The following SLC8A1 variants were observed in gnomAD, a reference collection of about 807,000 sequenced individuals.
SLC8A1 encodes the protein solute carrier family 8 member A1, also known as sodium/calcium exchanger 1.
Under a neutral mutation model 68.3 loss-of-function variants are expected in SLC8A1, and 18 were observed. The ratio of observed to expected loss-of-function variants is 0.26; its 90% CI spans 0.18 to 0.39. SLC8A1 has a LOEUF of 0.39. Among genes scored for constraint, SLC8A1 ranks in the 10% least tolerant of loss-of-function variants. The pLI is 1.00. For synonymous variants in SLC8A1, 475 were observed against 415.5 expected (o/e 1.14, Z -1.74); for missense variants, 985 against 1,156.7 (o/e 0.85, Z 2.15).
At chr2:40,277,794 G>GTATGTATATATA (rs1553469305) in intron 2 of SLC8A1, among the ~76,000 whole-genome samples, 1 of 108,008 alleles carries the variant, frequency 9.3e-6, no homozygotes, top group African/African-American at 3.3e-5. Flanking sequence ...ATATATGTGT[G>GTATGTATATATA]TATATATATA....
chr2:40,275,009 G>C (rs1362149699), intron 2 of SLC8A1, among the ~76,000 whole-genome samples: 1 of 152,184 alleles, frequency 6.6e-6, no homozygotes, highest in African/African-American at 2.4e-5. Flanking sequence ...TACTGCAAAA[G>C]TGCATCAAAG....
chr2:40,210,226 C>A (rs754057804), intron 2 of SLC8A1, among the ~76,000 whole-genome samples: 6 of 152,092 alleles, frequency 3.9e-5, no homozygotes, highest in Non-Finnish European at 7.3e-5. Context: ...ACAACTAATG[C>A]TCTTGGGAAT....
chr2:40,170,069 A>C (rs920540979), intron 4 of SLC8A1, among the ~76,000 whole-genome samples: 7 of 152,220 alleles, frequency 4.6e-5, no homozygotes, highest in African/African-American at 7.2e-5. Context: ...TCTTCTCTGC[A>C]GGCTGGGCTG....
At chr2:40,339,789 G>A (rs992239258) in intron 2 of SLC8A1, among the ~76,000 whole-genome samples, 2 of 152,106 alleles carry the variant, frequency 1.3e-5, no homozygotes, top group African/African-American at 4.8e-5. Context: ...CTAAATAGAT[G>A]GATGGATAGA....
chr2:40,164,603 C>T (rs1485699644), intron 5 of SLC8A1, among the ~76,000 whole-genome samples: 1 of 152,170 alleles, frequency 6.6e-6, no homozygotes, highest in Non-Finnish European at 1.5e-5. Context: ...TTTGGGGCAC[C>T]TCTGACCTTG....
chr2:40,358,867 C>T (rs1392848695), intron 2 of SLC8A1, among the ~76,000 whole-genome samples: 1 of 152,106 alleles, frequency 6.6e-6, no homozygotes, highest in Non-Finnish European at 1.5e-5. Flanking sequence ...TATGCTTCTA[C>T]AAGACTGAAG....
intron 2 of SLC8A1, among the ~76,000 whole-genome samples, chr2:40,325,634 C>T (rs2075729144): frequency 6.6e-6 from 1 of 151,670 alleles, no homozygotes; most frequent in Non-Finnish European, 1.5e-5. Context: ...TGTTTGATTT[C>T]AGTCATAAAA....
chr2:40,171,124 A>T (rs1046765185), intron 4 of SLC8A1, among the ~76,000 whole-genome samples: 7 of 152,176 alleles, frequency 4.6e-5, no homozygotes, highest in Non-Finnish European at 1.5e-5. Context: ...CCTCTGCCAT[A>T]TGCTTGTCAT....
At chr2:40,352,813 T>C (rs904492202) in intron 2 of SLC8A1, among the ~76,000 whole-genome samples, 4 of 152,192 alleles carry the variant, frequency 2.6e-5, no homozygotes, top group African/African-American at 9.6e-5. Flanking sequence ...GATTCCACGT[T>C]ACTAAGGAGA....
At chr2:40,311,365 TTTC>T (rs1243047078) in intron 2 of SLC8A1, among the ~76,000 whole-genome samples, 2 of 152,072 alleles carry the variant, frequency 1.3e-5, no homozygotes, top group Non-Finnish European at 2.9e-5. Flanking sequence ...AAAATCATTT[TTTC>T]TTCAGAAAAA....
chr2:40,502,324 G>C (rs867381244), intron 1 of SLC8A1, among the ~76,000 whole-genome samples: 2 of 151,856 alleles, frequency 1.3e-5, no homozygotes, highest in South Asian at 2.1e-4. Context: ...TCAGGTTTGC[G>C]GACTATGGTC....
chr2:40,219,600 C>T (rs1017689278), intron 2 of SLC8A1, among the ~76,000 whole-genome samples: 80 of 152,236 alleles, frequency 5.3e-4, no homozygotes, highest in African/African-American at 1.9e-3. Flanking sequence ...AACTTACAAA[C>T]ATTTTTTAAG....
intron 4 of SLC8A1, among the ~76,000 whole-genome samples, chr2:40,172,922 C>G (rs2047774087): frequency 6.6e-6 from 1 of 152,104 alleles, no homozygotes; most frequent in Admixed American, 6.5e-5. Context: ...AGCCTGGCAA[C>G]AGAGTGAGAC....
intron 2 of SLC8A1, among the ~76,000 whole-genome samples, chr2:40,369,944 ATC>A (rs1677507060): frequency 6.6e-6 from 1 of 152,132 alleles, no homozygotes; most frequent in African/African-American, 2.4e-5. Flanking sequence ...TGTTTTTAAT[ATC>A]TTTGTAATAT....
chr2:40,400,572 A>G (rs6544336), intron 2 of SLC8A1, among the ~76,000 whole-genome samples: 89,108 of 152,056 alleles, frequency 0.59, 27,256 homozygotes, highest in Non-Finnish European at 0.69. Flanking sequence ...CATGGATCAC[A>G]TGAGGAGGAA....
At position 40,238,258 on chromosome 2, in the gene SLC8A1, C is replaced by T. The variant is rs377713478; in HGVS notation, c.1809-60403G>A. Among the ~76,000 whole-genome samples the T allele has an allele frequency of 1.8e-3, 269 of 152,338 alleles. 2 individuals carry two copies. The highest frequency in any genetic ancestry group is 6.2e-3 in the African/African-American group (258 of 41,580). ...ACTGCTGTGCTAGCAATCAGTGAGA[C>T]TCCGTGGGCGTAGGACCCTCCCAGC... On this transcript the variant is annotated intron_variant, in intron 2 of 7. Transcript: ENST00000406785.
chr2:40,155,039 G>C (rs569736478), intron 6 of SLC8A1, among the ~76,000 whole-genome samples: 4 of 152,246 alleles, frequency 2.6e-5, no homozygotes, highest in Admixed American at 6.5e-5. Context: ...AGGGCAAAAT[G>C]AGAAATCCCA....
chr2:40,497,827 T>C (rs536802544), intron 1 of SLC8A1, among the ~76,000 whole-genome samples: 16 of 152,204 alleles, frequency 1.1e-4, no homozygotes, highest in African/African-American at 3.9e-4. Context: ...TAGGGATTTA[T>C]TGAAAGATTT....
chr2:40,361,362 A>T (rs1199763616), intron 2 of SLC8A1, among the ~76,000 whole-genome samples: 2 of 152,122 alleles, frequency 1.3e-5, no homozygotes, highest in African/African-American at 4.8e-5. Context: ...TATTGCTATG[A>T]TTTGGAAGAT....
Sources: gnomAD v4.1 joint callset for allele counts (sites outside exome capture counted in the v4.1 genomes callset) on GRCh38, gnomAD v4.1.1 for gene constraint, MANE v1.5 for transcripts, NCBI Gene and HGNC (gene_info 2026-07-23, HGNC 2026-07-21) for gene names.